FBXW10B: variants seen among roughly 807,000 people sequenced by gnomAD.
The protein encoded by FBXW10B is F-box and WD repeat domain containing 10B.
At chr17:15,567,106 C>T in the FBXW10B span, among the ~76,000 whole-genome samples, 663 of 151,298 alleles carry the variant, frequency 4.4e-3, 5 homozygotes, top group African/African-American at 0.015. Flanking sequence ...CCCGCCTCTA[C>T]TAAAAATACA....
chr17:15,611,645 C>T, the FBXW10B span, among the ~76,000 whole-genome samples: 1 of 152,170 alleles, frequency 6.6e-6, no homozygotes, highest in Non-Finnish European at 1.5e-5. Context: ...TCTCTGGATG[C>T]TTCTGTTTCT....
At chr17:15,580,902 AC>A in the FBXW10B span, among the ~76,000 whole-genome samples, 1 of 152,106 alleles carries the variant, frequency 6.6e-6, no homozygotes, top group Non-Finnish European at 1.5e-5. Context: ...TGCTTTATTT[AC>A]ATCATTGTAT....
chr17:15,578,241 G>A, the FBXW10B span, among the ~76,000 whole-genome samples: 265 of 151,164 alleles, frequency 1.8e-3, 4 homozygotes, highest in East Asian at 0.046. Context: ...GGTCCTTGTA[G>A]ATGTCTGCAT....
the FBXW10B span, chr17:15,594,841 C>A: frequency 6.2e-7 from 1 of 1,614,052 alleles, no homozygotes; most frequent in South Asian, 1.1e-5. Flanking sequence ...GAGGAGATGC[C>A]ACTGGTCAAA....
At chr17:15,612,645 T>C in the FBXW10B span, 2 of 1,611,910 alleles carry the variant, frequency 1.2e-6, no homozygotes, top group African/African-American at 1.3e-5. Context: ...CAGCCTTCAA[T>C]GGCAATTAGA....
chr17:15,608,614 T>C, the FBXW10B span, among the ~76,000 whole-genome samples: 1 of 151,922 alleles, frequency 6.6e-6, no homozygotes, highest in African/African-American at 2.4e-5. Flanking sequence ...CCACCACGCC[T>C]GGCTAATTTT....
At chr17:15,608,892 C>CA in the FBXW10B span, among the ~76,000 whole-genome samples, 19 of 152,318 alleles carry the variant, frequency 1.2e-4, no homozygotes, top group South Asian at 3.9e-3. Flanking sequence ...GAAAGGAAAT[C>CA]ATTTTATCAA....
At chr17:15,588,725 G>C in the FBXW10B span, 2 of 727,868 alleles carry the variant, frequency 2.7e-6, no homozygotes, top group Admixed American at 2.2e-5. Flanking sequence ...CCATATCCAG[G>C]AATCAGCCAG....
the FBXW10B span, chr17:15,593,244 C>G: frequency 6.3e-7 from 1 of 1,593,254 alleles, no homozygotes; most frequent in African/African-American, 1.4e-5. Context: ...CTCCTCCTGA[C>G]AGCAAATCCA....
the FBXW10B span, chr17:15,594,902 G>C: frequency 2.5e-6 from 3 of 1,221,966 alleles, no homozygotes; most frequent in Non-Finnish European, 3.3e-6. Context: ...TGCAAGAAAA[G>C]ATACCACTGT....
the FBXW10B span, chr17:15,569,188 A>G: frequency 2.5e-6 from 1 of 397,782 alleles, no homozygotes; most frequent in Non-Finnish European, 3.4e-6. Flanking sequence ...TGGTAGTTCT[A>G]TTTTTAGTTC....
chr17:15,582,379 AAGAT>A, the FBXW10B span, among the ~76,000 whole-genome samples: 1 of 152,092 alleles, frequency 6.6e-6, no homozygotes, highest in Admixed American at 6.6e-5. Flanking sequence ...TTCTATCTAA[AAGAT>A]AGATCTCTTG....
At chr17:15,587,210 T>C in the FBXW10B span, among the ~76,000 whole-genome samples, 1 of 150,980 alleles carries the variant, frequency 6.6e-6, no homozygotes, top group East Asian at 1.9e-4. Flanking sequence ...CAAGGCAGAA[T>C]GGATTATTGA....
chr17:15,618,889 G>A, the FBXW10B span: 232 of 1,528,176 alleles, frequency 1.5e-4, no homozygotes, highest in Non-Finnish European at 1.9e-4. Context: ...AACCTATGCT[G>A]CATTCTGTGC....
chr17:15,594,051 C>G, the FBXW10B span, among the ~76,000 whole-genome samples: 1 of 152,186 alleles, frequency 6.6e-6, no homozygotes, highest in African/African-American at 2.4e-5. Flanking sequence ...AACAAAAAGG[C>G]TGATGTCACA....
chr17:15,610,182 G>T, the FBXW10B span, among the ~76,000 whole-genome samples: 4 of 152,070 alleles, frequency 2.6e-5, no homozygotes, highest in African/African-American at 7.2e-5. Context: ...AATTACACAT[G>T]TAAGAATTAA....
the FBXW10B span, chr17:15,593,345 C>G: frequency 3.1e-6 from 5 of 1,613,936 alleles, no homozygotes; most frequent in African/African-American, 5.3e-5. Context: ...ACCTGTTGCC[C>G]TGAATAAAGA....
the FBXW10B span, among the ~76,000 whole-genome samples, chr17:15,611,772 G>A: frequency 2.5e-3 from 381 of 152,250 alleles, no homozygotes; most frequent in Non-Finnish European, 4.7e-3. Context: ...CAGGTGGGGG[G>A]GCGCAGAAAT....
the FBXW10B span, among the ~76,000 whole-genome samples, chr17:15,590,228 T>C: frequency 6.6e-6 from 1 of 151,936 alleles, no homozygotes; most frequent in Non-Finnish European, 1.5e-5. Context: ...AAATGAATTG[T>C]TATTTGTAAG....
Sources: allele counts gnomAD v4.1 joint callset (sites outside exome capture counted in the v4.1 genomes callset), GRCh38; gene constraint gnomAD v4.1.1; transcripts MANE v1.5; gene names NCBI Gene and HGNC (gene_info 2026-07-23, HGNC 2026-07-21).